The following TMOD1 variants were observed in gnomAD, a reference collection of about 807,000 sequenced individuals.
The protein encoded by TMOD1 is tropomodulin-1.
In TMOD1, 17 loss-of-function variants were observed where a neutral mutation model predicts 40.6. The ratio of observed to expected loss-of-function variants is 0.42; its 90% confidence interval spans 0.29 to 0.63. TMOD1 has a LOEUF of 0.63. TMOD1 is among the 20% of genes least tolerant of loss of function. The pLI is 0.22. For synonymous variants in TMOD1, 181 were observed against 175.0 expected (o/e 1.03, Z -0.27); for missense variants, 391 against 447.6 (o/e 0.87, Z 1.14).
chr9:97,548,784 G>A (rs1372644379), intron 3 of TMOD1, among the ~76,000 whole-genome samples: 2 of 152,184 alleles, frequency 1.3e-5, no homozygotes, highest in African/African-American at 2.4e-5. Context: ...AAGCCCAAAA[G>A]GTTCATCATC....
intron 1 of TMOD1, among the ~76,000 whole-genome samples, chr9:97,511,742 A>G (rs1458125507): frequency 6.6e-6 from 1 of 151,864 alleles, no homozygotes; most frequent in Admixed American, 6.6e-5. Flanking sequence ...GCGCCATCAC[A>G]CCTAGCTAAT....
In TMOD1 at chr9:97,568,892, A is replaced by G; in HGVS notation, c.727-2A>G. On this transcript the variant is annotated splice_acceptor_variant, in intron 7 of 9. Transcript: ENST00000259365. LOFTEE classifies it high-confidence loss of function. ...TATCCTTGCTTTCTCTTGTGCTTCA[A>G]GGCCCTTGCTGAGATGCTCAAGGAG... The G allele has an allele frequency of 6.2e-7, 1 of 1,613,822 alleles. No homozygotes were observed. The highest frequency in any genetic ancestry group is 8.5e-7 in the Non-Finnish European group (1 of 1,179,750).
chr9:97,553,537 A>G (rs1830484712), intron 4 of TMOD1, 137 bp downstream of exon 4: 1 of 1,275,270 alleles, frequency 7.8e-7, no homozygotes, highest in South Asian at 1.5e-5. Context: ...AGAGTGTTCA[A>G]ACAACAATCC....
intron 8 of TMOD1, among the ~76,000 whole-genome samples, chr9:97,573,844 CAA>C (rs998217593): frequency 1.3e-4 from 20 of 152,300 alleles, no homozygotes; most frequent in African/African-American, 4.6e-4. Flanking sequence ...GGAAGTTACA[CAA>C]AGTCATTTCC....
chr9:97,556,947 GA>G (rs1830546222), intron 4 of TMOD1, among the ~76,000 whole-genome samples: 1 of 152,150 alleles, frequency 6.6e-6, no homozygotes, highest in Non-Finnish European at 1.5e-5. Context: ...CTGCTGATGG[GA>G]GGAGCCTGGA....
At chr9:97,521,215 T>C (rs1587917971) in intron 1 of TMOD1, among the ~76,000 whole-genome samples, 1 of 152,212 alleles carries the variant, frequency 6.6e-6, no homozygotes, top group East Asian at 1.9e-4. Context: ...CTCAGAGACG[T>C]GCTTTTATGA....
At chr9:97,553,148 A>AG (rs1335600591) in intron 3 of TMOD1, 133 bp from the exon 4 acceptor site, 4 of 1,333,462 alleles carry the variant, frequency 3.0e-6, no homozygotes, top group Non-Finnish European at 4.1e-6. Flanking sequence ...TGGTCCCCAG[A>AG]GGGAGAAACC....
intron 1 of TMOD1, among the ~76,000 whole-genome samples, chr9:97,503,395 TTA>T (rs1307385355): frequency 6.6e-6 from 1 of 152,170 alleles, no homozygotes; most frequent in Non-Finnish European, 1.5e-5. Context: ...TTACTTTCTG[TTA>T]TGTGTTTTTT....
chr9:97,559,797 AT>A (rs1830601516), intron 4 of TMOD1, among the ~76,000 whole-genome samples: 4 of 57,304 alleles, frequency 7.0e-5, no homozygotes, highest in African/African-American at 2.3e-4. Context: ...AAAAAAAAAT[AT>A]ATATATATAT....
chr9:97,600,066 C>G lies in TMOD1; in HGVS notation c.*368C>G. On this transcript the variant is annotated 3_prime_UTR_variant, in exon 10 of 10. Transcript: ENST00000259365. ...TTTAAAATGTGTGACACAGAAACGG[C>G]ACACTCTTCCACATGCTTTTGAAGT... 9.6e-7 allele frequency: 1 copy of G among 1,046,370 alleles called. No homozygotes were observed. The highest frequency in any genetic ancestry group is 1.2e-6 in the Non-Finnish European group (1 of 864,554). The allele number at this position is 1,046,370 out of a possible 1,614,324, so 64.8% of individuals were successfully genotyped here.
intron 9 of TMOD1, among the ~76,000 whole-genome samples, chr9:97,596,307 C>A (rs1259032961): frequency 2.0e-5 from 3 of 152,090 alleles, no homozygotes; most frequent in African/African-American, 7.2e-5. Flanking sequence ...AGTCTCCTTC[C>A]GAAGCTTGCC....
At chr9:97,536,492 G>A (rs541673566) in intron 2 of TMOD1, among the ~76,000 whole-genome samples, 7 of 152,208 alleles carry the variant, frequency 4.6e-5, no homozygotes, top group South Asian at 4.1e-4. Flanking sequence ...CCTGGACCTC[G>A]GTTTCTCCAT....
At chr9:97,504,300 G>A (rs1829554237) in intron 1 of TMOD1, among the ~76,000 whole-genome samples, 2 of 152,320 alleles carry the variant, frequency 1.3e-5, no homozygotes, top group Admixed American at 1.3e-4. Context: ...GCTAACAGGA[G>A]CTGAAGAAGT....
At chr9:97,563,967 A>C (rs986197460) in intron 5 of TMOD1, 71 bp from the exon 6 acceptor site, 29 of 1,557,974 alleles carry the variant, frequency 1.9e-5, no homozygotes, top group Non-Finnish European at 2.5e-5. Context: ...TCCCTTCCAC[A>C]GTATCTTTGT....
chr9:97,531,529 C>G (rs186456631), intron 2 of TMOD1, among the ~76,000 whole-genome samples: 1 of 151,974 alleles, frequency 6.6e-6, no homozygotes, highest in Non-Finnish European at 1.5e-5. Flanking sequence ...GAGAATTGTT[C>G]GGACCTGGGA....
intron 8 of TMOD1, among the ~76,000 whole-genome samples, chr9:97,586,586 G>A (rs1272350913): frequency 1.3e-5 from 2 of 151,410 alleles, no homozygotes; most frequent in Non-Finnish European, 3.0e-5. Context: ...GGGCAATGGC[G>A]GGCGCCCCTC....
At chr9:97,573,283 A>T (rs1352720649) in intron 8 of TMOD1, among the ~76,000 whole-genome samples, 2 of 152,200 alleles carry the variant, frequency 1.3e-5, no homozygotes, top group Non-Finnish European at 2.9e-5. Flanking sequence ...CAGGCCAGAC[A>T]AGGCCTGGGG....
Position 97,591,439 on chromosome 9 carries a change from A to G in TMOD1, c.1015+4A>G, listed in dbSNP as rs1158743055. 7 of 1,613,668 alleles carry G rather than the reference A, an allele frequency of 4.3e-6. No homozygotes were observed. The Admixed American group carries it at 1.2e-4, about 27-fold the overall frequency. ...ATGATGAACAACAATGACCTTGGTG[A>G]GTAGAAATATGCTTCCTGCCCTGCC... On this transcript the variant is annotated splice_donor_region_variant and intron_variant, in intron 9 of 9. Transcript: ENST00000259365.
intron 2 of TMOD1, among the ~76,000 whole-genome samples, chr9:97,525,807 T>C (rs2131223595): frequency 6.6e-6 from 1 of 152,374 alleles, no homozygotes; most frequent in Admixed American, 6.5e-5. Context: ...GAGCCCAAAG[T>C]GGCCTGGTGG....
Sources: gnomAD v4.1 joint callset for allele counts (sites outside exome capture counted in the v4.1 genomes callset) on GRCh38, gnomAD v4.1.1 for gene constraint, MANE v1.5 for transcripts, NCBI Gene and HGNC (gene_info 2026-07-23, HGNC 2026-07-21) for gene names.